The following MED27 variants were observed in gnomAD, a reference collection of about 807,000 sequenced individuals.
MED27 encodes mediator of RNA polymerase II transcription subunit 27.
In MED27, 30 loss-of-function variants were observed where a neutral mutation model predicts 38.2. The ratio of observed to expected loss-of-function variants is 0.79; its 90% CI spans 0.59 to 1.07. MED27 has a LOEUF of 1.07. Among genes scored for constraint, MED27 ranks in the 50% least tolerant of loss-of-function variants. MED27 has a pLI of 0.00. For synonymous variants in MED27, 122 were observed against 153.5 expected (o/e 0.79, Z 1.52); for missense variants, 289 against 397.5 (o/e 0.73, Z 2.32).
At chr9:131,948,438 G>C (rs1830925594) in intron 3 of MED27, among the ~76,000 whole-genome samples, 1 of 150,490 alleles carries the variant, frequency 6.6e-6, no homozygotes, top group Non-Finnish European at 1.5e-5. Context: ...AGGGAGCCAA[G>C]ATTATGCCAC....
Position 131,860,668 on chromosome 9 carries a change from C to A in MED27, c.806G>T (p.Trp269Leu). ...PDVVVRSFMT[W>L]LRSYIKLFQA... ...GAACAGCTTTATGTAACTTCTTAAC[C>A]AGGTCTAAAAAGAGAAACGAGGAGA... Residue 269 changes from tryptophan to leucine, a missense_variant, in exon 8 of 8, where the codon TGG becomes TTG. Transcript: ENST00000292035. This position sits in a 1 kb window ranked among gnomAD's most constrained non-coding sequence, Gnocchi z 5.8. 6.2e-7 allele frequency: 1 copy of A among 1,613,116 alleles called. No homozygotes were observed. The highest frequency in any genetic ancestry group is 8.5e-7 in the Non-Finnish European group (1 of 1,179,612).
chr9:132,017,364 G>A (rs1044911479), intron 2 of MED27, among the ~76,000 whole-genome samples: 4 of 151,924 alleles, frequency 2.6e-5, no homozygotes, highest in East Asian at 1.9e-4. Flanking sequence ...CCAAAATACC[G>A]CCATAAGTTC....
chr9:132,066,572 A>G (rs564296210), intron 2 of MED27, among the ~76,000 whole-genome samples: 40 of 152,366 alleles, frequency 2.6e-4, no homozygotes, highest in African/African-American at 8.4e-4. Context: ...GAAAAGCAGA[A>G]GCTGAGCCAA....
chr9:131,918,978 G>A (rs527343520), intron 4 of MED27, among the ~76,000 whole-genome samples: 13 of 152,234 alleles, frequency 8.5e-5, no homozygotes, highest in African/African-American at 2.9e-4. Flanking sequence ...AGGCACAGAA[G>A]GACATCCACA....
At chr9:132,069,880 T>C (rs557683605) in intron 2 of MED27, among the ~76,000 whole-genome samples, 1 of 152,282 alleles carries the variant, frequency 6.6e-6, no homozygotes, top group South Asian at 2.1e-4. Context: ...CTCTCTAGAA[T>C]GCTCTGTCAG....
intron 6 of MED27, among the ~76,000 whole-genome samples, chr9:131,866,737 C>T (rs1006217509): frequency 6.6e-6 from 1 of 152,228 alleles, no homozygotes; most frequent in African/African-American, 2.4e-5. Flanking sequence ...GAAGCGTGTG[C>T]TGGTCAGAAA....
At chr9:132,030,112 G>A (rs189429519) in intron 2 of MED27, among the ~76,000 whole-genome samples, 1 of 152,352 alleles carries the variant, frequency 6.6e-6, no homozygotes, top group East Asian at 1.9e-4. Flanking sequence ...TGGTCCATCT[G>A]TTGGAGGTGG....
intron 4 of MED27, among the ~76,000 whole-genome samples, chr9:131,923,234 C>T (rs1197228215): frequency 6.6e-6 from 1 of 152,160 alleles, no homozygotes; most frequent in Admixed American, 6.5e-5. Flanking sequence ...AATCGCAGTC[C>T]AACACACTGA....
chr9:131,871,999 A>G (rs2131461869), intron 6 of MED27, among the ~76,000 whole-genome samples: 1 of 152,306 alleles, frequency 6.6e-6, no homozygotes, highest in African/African-American at 2.4e-5. Flanking sequence ...GAGTGCCCAA[A>G]GGTCATGGGC....
intron 2 of MED27, among the ~76,000 whole-genome samples, chr9:132,044,564 G>A (rs1171626999): frequency 6.6e-5 from 10 of 152,200 alleles, no homozygotes; most frequent in South Asian, 2.1e-4. Context: ...GTGCTCTACC[G>A]GCAGCCAGGC....
intron 2 of MED27, among the ~76,000 whole-genome samples, chr9:132,054,218 T>C (rs543286557): frequency 1.3e-5 from 2 of 152,112 alleles, no homozygotes; most frequent in African/African-American, 2.4e-5. Flanking sequence ...CTTGGTGCTG[T>C]CCTGGCCATA....
chr9:132,000,007 G>C (rs895243749), intron 3 of MED27, among the ~76,000 whole-genome samples: 2 of 151,862 alleles, frequency 1.3e-5, no homozygotes, highest in African/African-American at 4.8e-5. Context: ...TCTAAGACAG[G>C]CTCTACATTA....
At chr9:132,063,860 C>T (rs1241760968) in intron 2 of MED27, among the ~76,000 whole-genome samples, 4 of 152,022 alleles carry the variant, frequency 2.6e-5, no homozygotes, top group South Asian at 2.1e-4. Flanking sequence ...ATTCACCACC[C>T]GGAAAAAGGA....
At chr9:131,903,689 T>C (rs1490811766) in intron 4 of MED27, among the ~76,000 whole-genome samples, 1 of 152,154 alleles carries the variant, frequency 6.6e-6, no homozygotes, top group Non-Finnish European at 1.5e-5. Flanking sequence ...CTGCACTCAG[T>C]AGGCACTCCC....
chr9:132,034,643 C>T (rs1833034380), intron 2 of MED27, among the ~76,000 whole-genome samples: 1 of 152,174 alleles, frequency 6.6e-6, no homozygotes, highest in Admixed American at 6.5e-5. Context: ...GAAAGCCACG[C>T]CCTCCTGTCT....
chr9:131,962,564 G>A (rs1831239642), intron 3 of MED27, among the ~76,000 whole-genome samples: 1 of 151,722 alleles, frequency 6.6e-6, no homozygotes, highest in African/African-American at 2.4e-5. Context: ...TTTGTGATAG[G>A]AGTATTATAT....
chr9:132,006,495 A>G (rs1832360130), intron 3 of MED27, among the ~76,000 whole-genome samples: 1 of 152,254 alleles, frequency 6.6e-6, no homozygotes, highest in Admixed American at 6.5e-5. Flanking sequence ...CAAAATACCA[A>G]GAGTCCAGGA....
chr9:132,058,320 T>C (rs1050023874), intron 2 of MED27, among the ~76,000 whole-genome samples: 4 of 152,206 alleles, frequency 2.6e-5, no homozygotes, highest in Non-Finnish European at 5.9e-5. Context: ...TCTTGAATTG[T>C]AGTTCCCATA....
intron 2 of MED27, among the ~76,000 whole-genome samples, chr9:132,077,125 T>G (rs1178825254): frequency 6.6e-6 from 1 of 152,200 alleles, no homozygotes; most frequent in Non-Finnish European, 1.5e-5. Flanking sequence ...CTTCCCTAGA[T>G]ATACATGCAC....
Sources: allele counts gnomAD v4.1 joint callset (sites outside exome capture counted in the v4.1 genomes callset), GRCh38; gene constraint gnomAD v4.1.1; non-coding constraint Gnocchi (gnomAD v3.1); transcripts MANE v1.5; gene names NCBI Gene and HGNC (gene_info 2026-07-23, HGNC 2026-07-21).